The following KCNIP4 variants were observed in gnomAD, a reference collection of about 807,000 sequenced individuals.
KCNIP4 encodes Kv channel-interacting protein 4.
A neutral mutation model predicts 34.0 loss-of-function variants in KCNIP4; 12 were observed. The observed-to-expected ratio is 0.35, with a 90% CI of 0.23 to 0.57. KCNIP4 has a LOEUF of 0.57. KCNIP4 is among the 20% of genes least tolerant of loss of function. KCNIP4 has a pLI of 0.83. For missense variants in KCNIP4, 238 were observed against 311.7 expected (o/e 0.76, Z 1.78); for synonymous variants, 124 against 102.2 (o/e 1.21, Z -1.29).
intron 1 of KCNIP4, chr4:21,316,278 T>C (rs1286198416): frequency 2.0e-5 from 3 of 152,176 alleles, no homozygotes; most frequent in Non-Finnish European, 4.4e-5. Context: ...ATTTCTCTCC[T>C]CAGTACTTAT....
chr4:21,260,761 A>T (rs1458756388), intron 1 of KCNIP4, among the ~76,000 whole-genome samples: 1 of 152,192 alleles, frequency 6.6e-6, no homozygotes, highest in Non-Finnish European at 1.5e-5. Flanking sequence ...AAGTGGGCCC[A>T]TGAGATGGAA....
chr4:21,441,603 C>T (rs79479251), intron 1 of KCNIP4, among the ~76,000 whole-genome samples: 3,253 of 152,068 alleles, frequency 0.021, 121 homozygotes, highest in African/African-American at 0.074. Context: ...TTGTTTTTTG[C>T]TCCTCCCATG....
chr4:21,177,336 T>C (rs548821180), intron 1 of KCNIP4, among the ~76,000 whole-genome samples: 21 of 152,272 alleles, frequency 1.4e-4, no homozygotes, highest in East Asian at 1.4e-3. Context: ...ACACAAACTA[T>C]GCTCAAGGTA....
intron 1 of KCNIP4, among the ~76,000 whole-genome samples, chr4:20,925,754 C>T (rs979958812): frequency 6.6e-6 from 1 of 152,088 alleles, no homozygotes; most frequent in East Asian, 1.9e-4. Flanking sequence ...TGATTTATTA[C>T]ATGGTTACAA....
chr4:21,301,063 A>G (rs1194427304), intron 1 of KCNIP4, among the ~76,000 whole-genome samples: 1 of 152,154 alleles, frequency 6.6e-6, no homozygotes, highest in Non-Finnish European at 1.5e-5. Context: ...GGTTATAAAC[A>G]TATGACATGG....
At chr4:21,319,101 C>T (rs186404602) in intron 1 of KCNIP4, among the ~76,000 whole-genome samples, 174 of 152,264 alleles carry the variant, frequency 1.1e-3, no homozygotes, top group Non-Finnish European at 1.0e-3. Flanking sequence ...TTCAACGAGG[C>T]GCGAATTCTA....
intron 1 of KCNIP4, among the ~76,000 whole-genome samples, chr4:21,589,241 T>TATATGTATCGATAC (rs1260204371): frequency 9.6e-6 from 1 of 104,186 alleles, no homozygotes; most frequent in African/African-American, 3.9e-5. Flanking sequence ...TACAGATACA[T>TATATGTATCGATAC]ATATACATAT....
chr4:21,807,472 C>T (rs746786535), intron 1 of KCNIP4, among the ~76,000 whole-genome samples: 1 of 152,176 alleles, frequency 6.6e-6, no homozygotes, highest in South Asian at 2.1e-4. Flanking sequence ...TCTAGGGCAG[C>T]TTGCCATGCA....
rs565563017 is a variant in KCNIP4, at chr4:21,151,785, T to C, written c.62-269076A>G. 1.1e-4 allele frequency among the ~76,000 whole-genome samples: 17 copies of C among 152,262 alleles called. 1 individual carries two copies. In the South Asian group the frequency reaches 3.1e-3, roughly 28 times the overall value. On this transcript the variant is annotated intron_variant, in intron 1 of 8. Transcript: ENST00000382152. The stretch of plus-strand genomic sequence containing the variant: ...ATGAACTGAATGGTATGGGCTTTTA[T>C]CTAAGGACACCCTCTAGCCTTGTGC...
chr4:21,944,374 T>C (rs1160865054), intron 1 of KCNIP4, among the ~76,000 whole-genome samples: 2 of 151,422 alleles, frequency 1.3e-5, no homozygotes, highest in African/African-American at 4.9e-5. Context: ...TGAAACGCCA[T>C]CTCTACTAAA....
chr4:21,604,047 A>AATTT (rs1743437453), intron 1 of KCNIP4, among the ~76,000 whole-genome samples: 1 of 152,122 alleles, frequency 6.6e-6, no homozygotes, highest in South Asian at 2.1e-4. Flanking sequence ...GTCGATTATA[A>AATTT]ATTTTAGGTT....
intron 1 of KCNIP4, among the ~76,000 whole-genome samples, chr4:21,013,491 TCCA>T (rs141097430): frequency 0.058 from 8,833 of 152,120 alleles, 295 homozygotes; most frequent in South Asian, 0.11. Context: ...CCAGTTCTTC[TCCA>T]CCACTACATA....
intron 1 of KCNIP4, among the ~76,000 whole-genome samples, chr4:21,084,701 C>T (rs1273175486): frequency 6.6e-6 from 1 of 150,658 alleles, no homozygotes; most frequent in East Asian, 1.9e-4. Context: ...TTTTTCCATC[C>T]CCAGTATTGT....
At chr4:21,420,834 CA>C (rs996841651) in intron 1 of KCNIP4, among the ~76,000 whole-genome samples, 68 of 152,244 alleles carry the variant, frequency 4.5e-4, no homozygotes, top group African/African-American at 1.6e-3. Context: ...AGGAAACAAT[CA>C]ACAGAGTGAG....
chr4:21,470,679 TCA>T (rs1730383954), intron 1 of KCNIP4, among the ~76,000 whole-genome samples: 2 of 151,960 alleles, frequency 1.3e-5, no homozygotes, highest in South Asian at 4.2e-4. Flanking sequence ...AGGCACACAG[TCA>T]CAGACAAGAA....
At chr4:21,737,116 T>C (rs1452323907) in intron 1 of KCNIP4, among the ~76,000 whole-genome samples, 1 of 152,172 alleles carries the variant, frequency 6.6e-6, no homozygotes, top group Non-Finnish European at 1.5e-5. Context: ...ACCTGGTGCC[T>C]ATTTAGTGAC....
At chr4:21,813,633 A>C (rs2109274731) in intron 1 of KCNIP4, among the ~76,000 whole-genome samples, 1 of 152,348 alleles carries the variant, frequency 6.6e-6, no homozygotes, top group African/African-American at 2.4e-5. Context: ...AGAGAAGAGA[A>C]ACAGGCAAAC....
chr4:21,752,494 C>G (rs1279730397), intron 1 of KCNIP4, among the ~76,000 whole-genome samples: 1 of 152,072 alleles, frequency 6.6e-6, no homozygotes, highest in African/African-American at 2.4e-5. Flanking sequence ...CACCTCCCAC[C>G]AGGTCTCTCC....
At chr4:21,407,059 C>A (rs1238638324) in intron 1 of KCNIP4, among the ~76,000 whole-genome samples, 1 of 152,066 alleles carries the variant, frequency 6.6e-6, no homozygotes, top group East Asian at 1.9e-4. Context: ...TCAACATAGA[C>A]CTTAAATGAT....
Sources: gnomAD v4.1 joint callset for allele counts (sites outside exome capture counted in the v4.1 genomes callset) on GRCh38, gnomAD v4.1.1 for gene constraint, MANE v1.5 for transcripts, NCBI Gene and HGNC (gene_info 2026-07-23, HGNC 2026-07-21) for gene names.